EPB41L4A: variants seen among roughly 807,000 people sequenced by gnomAD.
EPB41L4A encodes the protein erythrocyte membrane protein band 4.1 like 4A.
Under a neutral mutation model 108.6 loss-of-function variants are expected in EPB41L4A, and 100 were observed. That is an observed-to-expected ratio of 0.92 (90% CI 0.78 to 1.09). EPB41L4A has a LOEUF of 1.09. EPB41L4A is among the 50% of genes least tolerant of loss of function. EPB41L4A has a pLI of 0.00. For missense variants in EPB41L4A, 1,030 were observed against 842.7 expected, an observed-to-expected ratio of 1.22 and a Z score of -2.75; for synonymous variants, 319 against 289.0, an observed-to-expected ratio of 1.10 and a Z score of -1.05.
chr5:112,418,491 C>G (rs1762852039), intron 1 of EPB41L4A, among the ~76,000 whole-genome samples: 1 of 151,968 alleles, frequency 6.6e-6, no homozygotes, highest in Non-Finnish European at 1.5e-5. Context: ...ATCACAATGA[C>G]CCATTAATGC....
intron 15 of EPB41L4A, among the ~76,000 whole-genome samples, chr5:112,201,097 G>A (rs1762198513): frequency 6.6e-6 from 1 of 152,186 alleles, no homozygotes; most frequent in South Asian, 2.1e-4. Flanking sequence ...AGATAAAAAA[G>A]ACTGACAAGG....
intron 2 of EPB41L4A, among the ~76,000 whole-genome samples, chr5:112,296,829 GC>G (rs10542486): frequency 6.6e-6 from 1 of 151,764 alleles, no homozygotes; most frequent in Non-Finnish European, 1.5e-5. Context: ...TCATAGCTTA[GC>G]CCCCACTTAC....
chr5:112,378,361 G>C (rs1759954140), intron 1 of EPB41L4A, among the ~76,000 whole-genome samples: 1 of 152,160 alleles, frequency 6.6e-6, no homozygotes, highest in African/African-American at 2.4e-5. Context: ...CTCTAGCCCT[G>C]TAATCTACCC....
intron 1 of EPB41L4A, among the ~76,000 whole-genome samples, chr5:112,322,724 A>T (rs1446717122): frequency 6.6e-6 from 1 of 150,890 alleles, no homozygotes; most frequent in Non-Finnish European, 1.5e-5. Context: ...ACACACACAC[A>T]CACTCACACA....
intron 12 of EPB41L4A, among the ~76,000 whole-genome samples, chr5:112,222,047 A>C (rs1748090260): frequency 6.6e-6 from 1 of 152,238 alleles, no homozygotes; most frequent in South Asian, 2.1e-4. Context: ...CTTGCAATTA[A>C]CAGTTACTGC....
chr5:112,410,683 G>A (rs1286010908), intron 1 of EPB41L4A, among the ~76,000 whole-genome samples: 1 of 152,042 alleles, frequency 6.6e-6, no homozygotes, highest in African/African-American at 2.4e-5. Context: ...CTCCCACCCA[G>A]CTTCAGGAAA....
At chr5:112,187,394 G>T (rs1483765516) in intron 17 of EPB41L4A, among the ~76,000 whole-genome samples, 1 of 152,172 alleles carries the variant, frequency 6.6e-6, no homozygotes, top group African/African-American at 2.4e-5. Context: ...AAGGGAGAGG[G>T]TTGCTTTAGA....
At chr5:112,264,090 G>A (rs539437877) in intron 6 of EPB41L4A, 12 of 152,392 alleles carry the variant, frequency 7.9e-5, no homozygotes, top group African/African-American at 2.6e-4. Context: ...TGGGATTGCA[G>A]GCGTGAGCCA....
At chr5:112,231,784 T>A (rs1580484062) in intron 12 of EPB41L4A, among the ~76,000 whole-genome samples, 1 of 80,708 alleles carries the variant, frequency 1.2e-5, no homozygotes, top group Non-Finnish European at 2.2e-5. Flanking sequence ...AGAGCTAGAC[T>A]CCGTCTCAAA....
intron 1 of EPB41L4A, among the ~76,000 whole-genome samples, chr5:112,355,080 G>T (rs1391969805): frequency 6.6e-6 from 1 of 152,098 alleles, no homozygotes; most frequent in East Asian, 1.9e-4. Context: ...TTGCAGTTTT[G>T]TTGTTTCTCT....
intron 12 of EPB41L4A, among the ~76,000 whole-genome samples, chr5:112,147,165 GAATTA>G (rs1759289731): frequency 6.6e-6 from 1 of 152,068 alleles, no homozygotes; most frequent in Admixed American, 6.6e-5. Context: ...GGAATGTCTT[GAATTA>G]GTATTCATTT....
intron 12 of EPB41L4A, among the ~76,000 whole-genome samples, chr5:112,148,792 G>GT (rs1002538485): frequency 6.6e-6 from 1 of 151,598 alleles, no homozygotes; most frequent in Non-Finnish European, 1.5e-5. Context: ...TCTCTTTTTT[G>GT]TTTTTTCCAA....
intron 9 of EPB41L4A, among the ~76,000 whole-genome samples, chr5:112,243,907 G>A (rs4355564): frequency 0.97 from 147,879 of 152,308 alleles, 71,962 homozygotes; most frequent in East Asian, 1. Context: ...CAAATTAGCA[G>A]TAAGACTGTT....
At chr5:112,419,761 A>T, upstream of EPB41L4A, 1 of 456,742 alleles carries the variant, frequency 2.2e-6, no homozygotes, top group South Asian at 1.5e-5. Flanking sequence ...CTCCTTACCC[A>T]GACCAGCGAG....
chr5:112,172,533 T>G (rs891574088), intron 18 of EPB41L4A, among the ~76,000 whole-genome samples: 1 of 151,660 alleles, frequency 6.6e-6, no homozygotes, highest in Admixed American at 6.6e-5. Context: ...AAAAAAATTG[T>G]ATGTTTCTTA....
chr5:112,340,710 T>C (rs1012989106), intron 1 of EPB41L4A, among the ~76,000 whole-genome samples: 16 of 152,350 alleles, frequency 1.1e-4, no homozygotes, highest in African/African-American at 3.4e-4. Flanking sequence ...TGTACGTTTC[T>C]GCCAATTTTC....
At chr5:112,411,618 G>C (rs1762418126) in intron 1 of EPB41L4A, among the ~76,000 whole-genome samples, 1 of 144,962 alleles carries the variant, frequency 6.9e-6, no homozygotes, top group African/African-American at 2.9e-5. Flanking sequence ...AAGGAAACTG[G>C]GGCTGGCAAA....
chr5:112,406,832 T>G lies in EPB41L4A; in HGVS notation c.99+12109A>C, dbSNP rs185462514. On this transcript the variant is annotated intron_variant, in intron 1 of 22. Transcript: ENST00000261486. ...AACCAGAGAGAAGAGTCTAGGCCCA[T>G]GTGCTAAGTCTCTGTTCCCTCCCCT... 2.0e-5 allele frequency among the ~76,000 whole-genome samples: 3 copies of G among 152,224 alleles called. No homozygotes were observed. In the East Asian group the frequency reaches 5.8e-4, roughly 29 times the overall value.
chr5:112,265,054 GA>G (rs1751758486), intron 5 of EPB41L4A, 38 bp from the exon 6 acceptor site: 1 of 1,506,166 alleles, frequency 6.6e-7, no homozygotes, highest in African/African-American at 1.4e-5. Context: ...TCCATTTTAG[GA>G]AAATAGTCCT....
Sources: gnomAD v4.1 joint callset for allele counts (sites outside exome capture counted in the v4.1 genomes callset) on GRCh38, gnomAD v4.1.1 for gene constraint, MANE v1.5 for transcripts, NCBI Gene and HGNC (gene_info 2026-07-23, HGNC 2026-07-21) for gene names.